TENM4: variants seen among roughly 807,000 people sequenced by gnomAD.
The protein encoded by TENM4 is teneurin-4.
TENM4 carries 82 observed loss-of-function variants against 243.3 expected under a neutral mutation model. The ratio of observed to expected loss-of-function variants is 0.34; its 90% CI spans 0.28 to 0.40. The LOEUF (loss-of-function observed/expected upper bound fraction) is 0.40, where lower values mean the gene tolerates loss of function less well. TENM4 is among the 10% of genes least tolerant of loss of function. The pLI is 1.00. For synonymous variants in TENM4, 1,412 were observed against 1,456.3 expected, an observed-to-expected ratio of 0.97 and a Z score of 0.69; for missense variants, 3,138 against 3,673.3, an observed-to-expected ratio of 0.85 and a Z score of 3.77.
chr11:78,989,955 TCAGGAGGC>T (rs1858002284), intron 6 of TENM4, among the ~76,000 whole-genome samples: 1 of 151,804 alleles, frequency 6.6e-6, no homozygotes, highest in Admixed American at 6.6e-5. Context: ...TCCCAGTTAC[TCAGGAGGC>T]TAAGGTGGGA....
At chr11:78,933,963 G>A (rs1214737973) in intron 6 of TENM4, among the ~76,000 whole-genome samples, 2 of 152,192 alleles carry the variant, frequency 1.3e-5, no homozygotes, top group African/African-American at 4.8e-5. Flanking sequence ...GGGGGGACAA[G>A]AGGACAATTT....
chr11:79,072,879 CATA>C (rs1329174663), intron 4 of TENM4, among the ~76,000 whole-genome samples: 1 of 152,090 alleles, frequency 6.6e-6, no homozygotes, highest in African/African-American at 2.4e-5. Flanking sequence ...ATTAATAACT[CATA>C]ATATTAATAA....
intron 28 of TENM4, among the ~76,000 whole-genome samples, chr11:78,690,388 A>T (rs1858791330): frequency 6.6e-6 from 1 of 152,218 alleles, no homozygotes; most frequent in South Asian, 2.1e-4. Context: ...ACATACAAAA[A>T]TATTGACAGT....
chr11:78,865,036 A>G (rs1233597711), intron 9 of TENM4, among the ~76,000 whole-genome samples: 2 of 152,162 alleles, frequency 1.3e-5, no homozygotes, highest in African/African-American at 4.8e-5. Context: ...ATGTGGGGGA[A>G]CTTGTATATA....
At position 78,970,636 on chromosome 11, in the gene TENM4, C is replaced by G. The variant is rs141428168; in HGVS notation, c.494-67113G>C. Reference sequence around the variant, plus strand: ...AGTCCAAGATCGTGGGCAAAGCAGTCCAAGATCCTTTCCTCTCTGTTGGAT... The same window carrying G: ...AGTCCAAGATCGTGGGCAAAGCAGTGCAAGATCCTTTCCTCTCTGTTGGAT... On this transcript the variant is annotated intron_variant, in intron 6 of 33. Transcript: ENST00000278550. Among the ~76,000 whole-genome samples the G allele has an allele frequency of 6.9e-3, 1,050 of 152,260 alleles. 6 individuals are homozygous for G. Among genetic ancestry groups the G allele is most frequent in the Non-Finnish European group, 0.012 (794 of 68,028 alleles).
chr11:78,799,423 T>G (rs921049371), intron 15 of TENM4, among the ~76,000 whole-genome samples: 1 of 152,226 alleles, frequency 6.6e-6, no homozygotes, highest in African/African-American at 2.4e-5. Context: ...CTTCACTGTA[T>G]AAACTGTCCT....
chr11:78,692,997 G>T (rs1033284150), intron 28 of TENM4, among the ~76,000 whole-genome samples: 2 of 151,946 alleles, frequency 1.3e-5, no homozygotes, highest in East Asian at 3.8e-4. Context: ...TTTGTTTTCT[G>T]TCTCCTCCTA....
chr11:79,281,131 C>T lies in TENM4; in HGVS notation c.-265+16357G>A, dbSNP rs754893302. ...ATGAAGGAGATGCACCTCAGCCTTCCGGGAGCTTCCTTGTTCACATTCAGA... is the reference window on the plus strand; with the variant it reads ...ATGAAGGAGATGCACCTCAGCCTTCTGGGAGCTTCCTTGTTCACATTCAGA... On this transcript the variant is annotated intron_variant, in intron 2 of 33. Transcript: ENST00000278550. Among the ~76,000 whole-genome samples the T allele has an allele frequency of 4.6e-5, 7 of 152,180 alleles. No homozygotes were observed. In the East Asian group the frequency reaches 5.8e-4, roughly 13 times the overall value.
chr11:79,227,008 C>CATTT (rs1258674869), intron 2 of TENM4, among the ~76,000 whole-genome samples: 1 of 152,226 alleles, frequency 6.6e-6, no homozygotes, highest in Admixed American at 6.5e-5. Flanking sequence ...CAGGGAGCTA[C>CATTT]ATTTCTCAGG....
chr11:78,851,124 C>T (rs1331390606), intron 12 of TENM4, among the ~76,000 whole-genome samples: 2 of 152,196 alleles, frequency 1.3e-5, no homozygotes, highest in East Asian at 1.9e-4. Context: ...CTATGTCTAA[C>T]CCCTTGCCAC....
chr11:79,282,262 T>C (rs1412624789), intron 2 of TENM4, among the ~76,000 whole-genome samples: 1 of 152,210 alleles, frequency 6.6e-6, no homozygotes, highest in Non-Finnish European at 1.5e-5. Context: ...ATTGTTTGTA[T>C]AGAGTCCAAT....
Position 78,863,068 on chromosome 11 carries a change from C to T in TENM4, c.1149G>A (p.Thr383=), listed in dbSNP as rs771410879. ...CAGGCCAACTGCTGGCTGTGTCCTCCGTGATCTCATACATCTGCCCCTCCA... is the reference window on the plus strand; with the variant it reads ...CAGGCCAACTGCTGGCTGTGTCCTCTGTGATCTCATACATCTGCCCCTCCA... The part of the protein sequence containing the change: ...QPMEGQMYEI[T]EDTASSWPVP... Residue 383 remains threonine (T), a synonymous_variant, in exon 10 of 34, where the codon ACG becomes ACA. Coordinates refer to ENST00000278550, the MANE Select transcript of TENM4 (RefSeq NM_001098816.3). The T allele has an allele frequency of 1.4e-5, 21 of 1,536,330 alleles. No individual in the cohort carries two copies. Among genetic ancestry groups the T allele is most frequent in the South Asian group, 4.9e-5 (4 of 82,470 alleles).
chr11:79,004,847 C>A (rs895687987), intron 6 of TENM4, among the ~76,000 whole-genome samples: 1 of 147,268 alleles, frequency 6.8e-6, no homozygotes, highest in Non-Finnish European at 1.5e-5. Context: ...TGACAAGCTG[C>A]TAGCTAGGCT....
intron 5 of TENM4, among the ~76,000 whole-genome samples, chr11:79,069,340 G>A (rs1011666106): frequency 6.6e-6 from 1 of 152,102 alleles, no homozygotes; most frequent in African/African-American, 2.4e-5. Context: ...CCACTTAAAG[G>A]CCATCTCATT....
chr11:79,311,724 C>G (rs1856725096), intron 1 of TENM4, among the ~76,000 whole-genome samples: 1 of 152,130 alleles, frequency 6.6e-6, no homozygotes, highest in East Asian at 1.9e-4. Flanking sequence ...CACGTCTGCT[C>G]ACCCTTCTCT....
intron 18 of TENM4, among the ~76,000 whole-genome samples, chr11:78,759,955 T>C (rs1856394194): frequency 6.6e-6 from 1 of 152,208 alleles, no homozygotes; most frequent in Non-Finnish European, 1.5e-5. Flanking sequence ...GCAGAGAACA[T>C]GAATTTCTGA....
chr11:79,174,553 T>C (rs1284503333), intron 3 of TENM4, among the ~76,000 whole-genome samples: 1 of 152,222 alleles, frequency 6.6e-6, no homozygotes, highest in Non-Finnish European at 1.5e-5. Flanking sequence ...TTCTGTGCCC[T>C]GCAAGGCTGC....
At chr11:78,822,051 G>C (rs965110433) in intron 12 of TENM4, among the ~76,000 whole-genome samples, 1 of 152,132 alleles carries the variant, frequency 6.6e-6, no homozygotes, top group Non-Finnish European at 1.5e-5. Context: ...TGACTAAAAC[G>C]AATGACCTAG....
At chr11:79,308,196 C>T (rs909967739) in intron 1 of TENM4, among the ~76,000 whole-genome samples, 1 of 152,194 alleles carries the variant, frequency 6.6e-6, no homozygotes, top group Non-Finnish European at 1.5e-5. Flanking sequence ...CAAGGGCCTT[C>T]GCCTTTTTGT....
Sources: allele counts gnomAD v4.1 joint callset (sites outside exome capture counted in the v4.1 genomes callset), GRCh38; gene constraint gnomAD v4.1.1; transcripts MANE v1.5; gene names NCBI Gene and HGNC (gene_info 2026-07-23, HGNC 2026-07-21).